The following PSMD8 variants were observed in gnomAD, a reference collection of about 807,000 sequenced individuals.
PSMD8 encodes the protein proteasome 26S subunit, non-ATPase 8, also known as 26S proteasome non-ATPase regulatory subunit 8.
Under a neutral mutation model 40.0 loss-of-function variants are expected in PSMD8, and 30 were observed. The observed-to-expected ratio is 0.75, with a 90% CI of 0.56 to 1.02. The LOEUF is 1.02. PSMD8 is among the 50% of genes least tolerant of loss of function. The pLI is 0.00. For synonymous variants in PSMD8, 208 were observed against 192.5 expected, an observed-to-expected ratio of 1.08 and a Z score of -0.67; for missense variants, 461 against 463.9, an observed-to-expected ratio of 0.99 and a Z score of 0.06.
At chr19:38,376,573 C>A in intron 3 of PSMD8, 119 bp downstream of exon 3, 1 of 908,112 alleles carries the variant, frequency 1.1e-6, no homozygotes, top group Admixed American at 2.2e-5. Flanking sequence ...GCTTAGTTCT[C>A]TCCTCAGTGG....
In PSMD8 at chr19:38,383,298, C is replaced by G. The variant is rs764914446; in HGVS notation, c.961C>G (p.Gln321Glu). 5 of 1,613,604 alleles carry G rather than the reference C, an allele frequency of 3.1e-6. No individual in the cohort carries two copies. In the South Asian group the frequency reaches 4.4e-5, roughly 14 times the overall value. Residue 321 changes from glutamine (Q) to glutamate (E), a missense_variant, in exon 7 of 7, where the codon CAG (glutamine) becomes GAG (glutamate). Physicochemically the swap from Gln to Glu is conservative, Grantham distance 29. Around this residue, in one of 2 missense-constraint regions of PSMD8, gnomAD observed 236 missense variants for 321.2 expected, o/e 0.73. Coordinates refer to ENST00000215071, the MANE Select transcript of PSMD8 (RefSeq NM_002812.5). ...CAACAACTACTACAGTTTTGCCAGCCAGCAGCAGAAGCCGGAAGACACCAC... is the reference window on the plus strand; with the variant it reads ...CAACAACTACTACAGTTTTGCCAGCGAGCAGCAGAAGCCGGAAGACACCAC... Reference protein sequence around the residue: ...GPNNYYSFASQQQKPEDTTIP... With the variant: ...GPNNYYSFASEQQKPEDTTIP...
At chr19:38,379,936 G>A (rs1046503038) in intron 4 of PSMD8, among the ~76,000 whole-genome samples, 3 of 152,188 alleles carry the variant, frequency 2.0e-5, no homozygotes, top group African/African-American at 7.2e-5. Context: ...ATTCTAGCCT[G>A]GGTGACAGTG....
At chr19:38,381,998 C>T in intron 5 of PSMD8, 119 bp from the exon 6 acceptor site, 1 of 687,946 alleles carries the variant, frequency 1.5e-6, no homozygotes, top group South Asian at 1.8e-5. Context: ...GGGCCCTTCA[C>T]ATATTCCTGC....
In PSMD8 at chr19:38,374,787, C is replaced by G; in HGVS notation, c.186C>G (p.Arg62=). ...CAGGCGGTCTGCTTGCCGCATCACGCAAGATGGCGGCCGCGGCGGTGAACG... is the reference window on the plus strand; with the variant it reads ...CAGGCGGTCTGCTTGCCGCATCACGGAAGATGGCGGCCGCGGCGGTGAACG... The part of the protein sequence containing the change: ...RKSGGLLAAS[R]KMAAAAVNGA... Residue 62 remains arginine (R), a synonymous_variant, in exon 1 of 7, where the codon CGC becomes CGG. Transcript: ENST00000215071. The G allele has an allele frequency of 6.4e-7, 1 of 1,572,382 alleles. No individual in the cohort carries two copies. Among genetic ancestry groups the G allele is most frequent in the Non-Finnish European group, 8.6e-7 (1 of 1,164,708 alleles).
chr19:38,381,076 A>T, intron 5 of PSMD8, 77 bp downstream of exon 5: 1 of 1,166,396 alleles, frequency 8.6e-7, no homozygotes, highest in Non-Finnish European at 1.2e-6. Flanking sequence ...TCTGAATCTC[A>T]TTCCAGCCAT....
At position 38,374,660 on chromosome 19, in the gene PSMD8, G is replaced by T. The variant is rs888145013; in HGVS notation, c.59G>T (p.Arg20Leu). ...CCTCGAGAGCGACGGCGGGCTACCC[G>T]GGGCGGGCTGAGGCAGGTTGTAGCC... The part of the protein sequence containing the change: ...APPRERRRAT[R>L]GGLRQVVAPP... Residue 20 changes from arginine (R) to leucine (L), a missense_variant, in exon 1 of 7, where the codon CGG (arginine) becomes CTG (leucine). Physicochemically the swap from Arg to Leu is moderately radical, Grantham distance 102 (BLOSUM62 -2). Transcript: ENST00000215071. 2.6e-6 allele frequency: 4 copies of T among 1,521,132 alleles called. No homozygotes were observed. The highest frequency in any genetic ancestry group is 2.3e-5 in the Admixed American group (1 of 43,758). The allele number at this position is 1,521,132 out of a possible 1,614,324, so 94.2% of individuals were successfully genotyped here. A position where few individuals can be genotyped will look rare whatever the true frequency, so the allele number is the denominator to read the frequency against.
rs1002920045 is a variant in PSMD8, at chr19:38,380,776, A to G, written c.703-123A>G. The G allele has an allele frequency of 1.5e-5, 10 of 665,528 alleles. No homozygotes were observed. In the African/African-American group the frequency reaches 1.9e-4, roughly 12 times the overall value. The allele number at this position is 665,528 out of a possible 1,614,324, so 41.2% of individuals were successfully genotyped here. On this transcript the variant is annotated intron_variant, in intron 4 of 6. Coordinates refer to ENST00000215071, the MANE Select transcript of PSMD8 (RefSeq NM_002812.5). ...TTCTGGAAGAGGGGGTACCCAGGGC[A>G]GGGGTGTGGCTGTGTGGCAAAGGGA...
Position 38,382,502 on chromosome 19 carries a change from G to A in PSMD8, c.915+274G>A, listed in dbSNP as rs1178464681. 7.1e-6 allele frequency: 4 copies of A among 560,494 alleles called. No individual in the cohort carries two copies. In the East Asian group the frequency reaches 1.2e-4, roughly 16 times the overall value. The allele number at this position is 560,494 out of a possible 1,614,324, so 34.7% of individuals were successfully genotyped here. A position where few individuals can be genotyped will look rare whatever the true frequency, so the allele number is the denominator to read the frequency against. ...TTATCAAAATTTCTTAGAGGTGGCA[G>A]CTTTTTCTGCAAGACTTTGCTTCAT... On this transcript the variant is annotated intron_variant, in intron 6 of 6. Coordinates refer to ENST00000215071, the MANE Select transcript of PSMD8 (RefSeq NM_002812.5).
chr19:38,380,707 A>AGAGAGT (rs1555743507), intron 4 of PSMD8, among the ~76,000 whole-genome samples, 192 bp from the exon 5 acceptor site: 7 of 120,952 alleles, frequency 5.8e-5, no homozygotes, highest in East Asian at 5.3e-4. Context: ...AGAGAGAGAG[A>AGAGAGT]GTGTGTGTGT....
rs1970661816 is a variant in PSMD8, at chr19:38,383,514, CAG to C, written c.*130_*131del. On this transcript the variant is annotated 3_prime_UTR_variant, in exon 7 of 7. Transcript: ENST00000215071. ...GCCCTTGTCTCCCCAGTTGGGACGG[CAG>C]AGAGACAAGTTCTTATATCTGAAGA... The C allele has an allele frequency of 1.7e-5, 23 of 1,318,038 alleles. No homozygotes were observed. In the South Asian group the frequency reaches 2.7e-4, roughly 16 times the overall value. 81.6% of individuals were successfully genotyped at this position (1,318,038 alleles called of 1,614,324 possible).
Position 38,374,683 on chromosome 19 carries a change from G to A in PSMD8, c.82G>A (p.Ala28Thr), listed in dbSNP as rs1287814965. ...ATRGGLRQVV[A>T]PPRALGSTSR... ...CCGGGGCGGGCTGAGGCAGGTTGTA[G>A]CCCCGCCCCGGGCCTTGGGCTCCAC... is the stretch of plus-strand genomic sequence containing the variant. Residue 28 changes from alanine (A) to threonine (T), a missense_variant, in exon 1 of 7, where the codon GCC becomes ACC. Physicochemically the swap from Ala to Thr is moderately conservative, Grantham distance 58 (BLOSUM62 0). Coordinates refer to ENST00000215071, the MANE Select transcript of PSMD8 (RefSeq NM_002812.5). 7 of 1,541,800 alleles carry A rather than the reference G, an allele frequency of 4.5e-6. No individual in the cohort carries two copies. The African/African-American group carries it at 9.6e-5, about 21-fold the overall frequency.
chr19:38,380,905 A>G lies in PSMD8; in HGVS notation c.709A>G (p.Met237Val). 6.4e-7 allele frequency: 1 copy of G among 1,572,322 alleles called. No homozygotes were observed. The highest frequency in any genetic ancestry group is 8.6e-7 in the Non-Finnish European group (1 of 1,157,682). Residue 237 changes from methionine (M) to valine (V), a missense_variant, in exon 5 of 7, where the codon ATG (methionine) becomes GTG (valine). Physicochemically the swap from Met to Val is conservative, Grantham distance 21 (BLOSUM62 1). Coordinates refer to ENST00000215071, the MANE Select transcript of PSMD8 (RefSeq NM_002812.5). ...CCCTTCCCGGCTTCTGCAGTACCTG[A>G]TGGAGGGCAGCTACAACAAAGTGTT... ...KHPVSLEQYL[M>V]EGSYNKVFLA...
intron 4 of PSMD8, 110 bp downstream of exon 4, chr19:38,379,515 C>T (rs1028222339): frequency 2.5e-5 from 29 of 1,183,266 alleles, no homozygotes; most frequent in East Asian, 2.1e-4. Context: ...TTTCCACCCA[C>T]GGACCCATCC....
Position 38,382,221 on chromosome 19 carries a change from C to A in PSMD8, c.908C>A (p.Ala303Asp). The change falls in exon 6 of 7, where the codon GCC becomes GAC. Residue 303 changes from alanine to aspartate, a missense_variant. This residue lies in a region of PSMD8 where 236 missense variants were observed against 321.2 expected (regional missense o/e 0.73). Transcript: ENST00000215071. ...ACACCCAAAAAGATGACAGACTACG[C>A]CAAGAAGGTGGCTGGGGTACAGGGC... Reference protein sequence around the residue: ...FNTPKKMTDYAKKRGWVLGPN... With the variant: ...FNTPKKMTDYDKKRGWVLGPN... 1 of 1,587,442 alleles carries A rather than the reference C, an allele frequency of 6.3e-7. No individual in the cohort carries two copies. Among genetic ancestry groups the A allele is most frequent in the Non-Finnish European group, 8.6e-7 (1 of 1,167,326 alleles).
At chr19:38,382,955 T>G in intron 6 of PSMD8, 3 of 336,966 alleles carry the variant, frequency 8.9e-6, no homozygotes, top group African/African-American at 2.1e-5. Flanking sequence ...TGAATTTTAG[T>G]GATGGTGACA....
At position 38,376,332 on chromosome 19, in the gene PSMD8, G is replaced by C. The variant is rs544266271; in HGVS notation, c.434-20G>C. The C allele has an allele frequency of 6.5e-7, 1 of 1,543,722 alleles. No homozygotes were observed. Among genetic ancestry groups the C allele is most frequent in the Non-Finnish European group, 8.8e-7 (1 of 1,139,276 alleles). On this transcript the variant is annotated intron_variant, in intron 2 of 6. Coordinates refer to ENST00000215071, the MANE Select transcript of PSMD8 (RefSeq NM_002812.5). ...AAGAGACCTCAGTCACCTCCTGAGA[G>C]CTCACTCTGTCACCCACAGGTGACA...
chr19:38,376,721 C>T (rs1170812639), intron 3 of PSMD8, among the ~76,000 whole-genome samples: 1 of 152,184 alleles, frequency 6.6e-6, no homozygotes, highest in East Asian at 1.9e-4. Context: ...CAGCCTTGCC[C>T]CTCTGACTCA....
At chr19:38,379,987 A>AT (rs1161105523) in intron 4 of PSMD8, among the ~76,000 whole-genome samples, 1 of 152,134 alleles carries the variant, frequency 6.6e-6, no homozygotes, top group Non-Finnish European at 1.5e-5. Flanking sequence ...ATAAAAACAT[A>AT]TTTTTTAAAG....
In PSMD8 at chr19:38,374,811, C is replaced by A. The variant is rs1178220073; in HGVS notation, c.210C>A (p.Asn70Lys). The A allele has an allele frequency of 6.4e-7, 1 of 1,573,178 alleles. No individual in the cohort carries two copies. The highest frequency in any genetic ancestry group is 8.6e-7 in the Non-Finnish European group (1 of 1,166,138). ...ASRKMAAAAV[N>K]GAAGFSSSGP... The stretch of plus-strand genomic sequence containing the variant: ...GCAAGATGGCGGCCGCGGCGGTGAA[C>A]GGGGCGGCAGGCTTCTCGAGCTCCG... The change falls in exon 1 of 7, where the codon AAC becomes AAA. Residue 70 changes from asparagine (N) to lysine (K), a missense_variant. Asn to Lys is a moderately conservative substitution (Grantham distance 94). This residue lies in a region of PSMD8 where 225 missense variants were observed against 142.7 expected (regional missense o/e 1.58). Coordinates refer to ENST00000215071, the MANE Select transcript of PSMD8 (RefSeq NM_002812.5).
Sources: allele counts gnomAD v4.1 joint callset (sites outside exome capture counted in the v4.1 genomes callset), GRCh38; gene constraint gnomAD v4.1.1; regional missense constraint gnomAD v4.1.1; transcripts MANE v1.5; gene names NCBI Gene and HGNC (gene_info 2026-07-23, HGNC 2026-07-21).